MAX: variants seen among roughly 807,000 people sequenced by gnomAD.
The protein encoded by MAX is MYC associated transcriptional regulator X.
Under a neutral mutation model 22.3 loss-of-function variants are expected in MAX, and 3 were observed. That is an observed-to-expected ratio of 0.13 (90% confidence interval 0.06 to 0.35). The LOEUF (loss-of-function observed/expected upper bound fraction) is 0.35. MAX is among the 10% of genes least tolerant of loss of function. MAX has a pLI of 1.00. For missense variants in MAX, 119 were observed against 209.4 expected (o/e 0.57, Z 2.66); for synonymous variants, 72 against 77.7 (o/e 0.93, Z 0.39).
chr14:65,092,093 T>C (rs1690069119), intron 3 of MAX, among the ~76,000 whole-genome samples: 1 of 152,202 alleles, frequency 6.6e-6, no homozygotes, highest in Non-Finnish European at 1.5e-5. Context: ...TAAGGAAGAA[T>C]GTTATGGCAT....
At chr14:65,040,708 T>C (rs1263566559) in intron 3 of MAX, 2 of 1,453,076 alleles carry the variant, frequency 1.4e-6, no homozygotes, top group Admixed American at 2.1e-5. Flanking sequence ...AGTGAACTTT[T>C]TCTCTGCCAC....
intron 3 of MAX, among the ~76,000 whole-genome samples, chr14:65,043,906 C>T (rs369080954): frequency 4.0e-5 from 6 of 150,968 alleles, no homozygotes; most frequent in African/African-American, 9.8e-5. Flanking sequence ...ATAAACTCCC[C>T]GGAGCAGGGA....
At chr14:65,095,500 G>C (rs1953228) in intron 2 of MAX, among the ~76,000 whole-genome samples, 41,215 of 152,110 alleles carry the variant, frequency 0.27, 6,171 homozygotes, top group Non-Finnish European at 0.34. Context: ...ATGAAATAGT[G>C]CGACAGAATT....
rs1035214126 is a variant in MAX at position 65,088,957 on chromosome 14, G to T, written c.171+4751C>A. Reference sequence around the variant, plus strand: ...CAACATCTACCTGTTAAGAAAACCAGATTTTAATGGAAATGAAACTGAGAT... The same window carrying T: ...CAACATCTACCTGTTAAGAAAACCATATTTTAATGGAAATGAAACTGAGAT... On this transcript the variant is annotated intron_variant, in intron 3 of 4. Coordinates refer to ENST00000358664, the MANE Select transcript of MAX (RefSeq NM_002382.5). This position sits in a 1 kb window ranked among gnomAD's most constrained non-coding sequence, Gnocchi z 5.2. Among the ~76,000 whole-genome samples, 7 of 152,120 alleles carry T rather than the reference G, an allele frequency of 4.6e-5. No homozygotes were observed. Among genetic ancestry groups the T allele is most frequent in the African/African-American group, 4.8e-5 (2 of 41,434 alleles).
At position 65,044,333 on chromosome 14, in the gene MAX, T is replaced by TG; in HGVS notation, c.172-38050dup. The TG allele has an allele frequency of 6.2e-7, 1 of 1,613,614 alleles. No homozygotes were observed. Among genetic ancestry groups the TG allele is most frequent in the Non-Finnish European group, 8.5e-7 (1 of 1,179,846 alleles). ...CAGCAATGGGTGACAAGCCGGCAGA[T>TG]GCGATTTGAAGGAGGATTTCAGGGC... On this transcript the variant is annotated intron_variant, in intron 3 of 3. Coordinates refer to the MAX transcript ENST00000341653. This position sits in a 1 kb window ranked among gnomAD's most constrained non-coding sequence, Gnocchi z 5.5.
intron 3 of MAX, among the ~76,000 whole-genome samples, chr14:65,019,733 A>G (rs1309812176): frequency 6.6e-6 from 1 of 152,136 alleles, no homozygotes; most frequent in African/African-American, 2.4e-5. Flanking sequence ...CTTCCCAATA[A>G]TGTATTTTGC....
intron 3 of MAX, chr14:65,061,460 C>A: frequency 7.5e-7 from 1 of 1,337,760 alleles, no homozygotes; most frequent in Non-Finnish European, 9.9e-7. Flanking sequence ...CAAACAAAAC[C>A]AATGGCTCTG....
In MAX at chr14:65,102,515, A is replaced by C. The variant is rs2063883155; in HGVS notation, c.-176T>G. The stretch of plus-strand genomic sequence containing the variant: ...CAACACGGGCAAGAACCACCTCCTC[A>C]CTGCAGCACCGGATCAACGGCGGCA... On this transcript the variant is annotated 5_prime_UTR_variant, in exon 1 of 5. Coordinates refer to ENST00000358664, the MANE Select transcript of MAX (RefSeq NM_002382.5). 1 of 1,462,632 alleles carries C rather than the reference A, an allele frequency of 6.8e-7. No individual in the cohort carries two copies. Among genetic ancestry groups the C allele is most frequent in the Non-Finnish European group, 9.0e-7 (1 of 1,107,456 alleles). 90.6% of individuals were successfully genotyped at this position (1,462,632 alleles called of 1,614,324 possible).
chr14:65,015,528 T>C, intron 3 of MAX: 1 of 1,284,100 alleles, frequency 7.8e-7, no homozygotes, highest in South Asian at 1.4e-5. Flanking sequence ...CTCCTCCCCC[T>C]TGCCAGGCTG....
Position 65,084,055 on chromosome 14 carries a change from C to T in MAX, c.172-6019G>A. ...TGGCTCCTTGAAGGCTTCCTGCTGC[C>T]AGGGCCTCCCCAGCCACAGGACCAT... On this transcript the variant is annotated intron_variant, in intron 3 of 4. Coordinates refer to ENST00000358664, the MANE Select transcript of MAX (RefSeq NM_002382.5). The surrounding 1 kb of genome is among the most constrained non-coding windows in gnomAD (Gnocchi z 4.3). The T allele has an allele frequency of 6.3e-7, 1 of 1,594,146 alleles. No homozygotes were observed. The highest frequency in any genetic ancestry group is 8.6e-7 in the Non-Finnish European group (1 of 1,167,828).
chr14:65,055,570 A>G (rs1236073890), intron 3 of MAX, among the ~76,000 whole-genome samples: 1 of 151,842 alleles, frequency 6.6e-6, no homozygotes, highest in Non-Finnish European at 1.5e-5. Flanking sequence ...AGGCTGGAGT[A>G]CAGTGGCATG....
rs1159127100 is a variant in MAX, at chr14:65,044,625, T to C, written c.172-38341A>G. The stretch of plus-strand genomic sequence containing the variant: ...GAATGCAGAGTAAGATTTAGTTTCA[T>C]TGGTTTAGTGTCATTCTTTGCTTCT... On this transcript the variant is annotated intron_variant, in intron 3 of 3. Coordinates refer to the MAX transcript ENST00000341653. This position sits in a 1 kb window ranked among gnomAD's most constrained non-coding sequence, Gnocchi z 5.5. 1 of 900,728 alleles carries C rather than the reference T, an allele frequency of 1.1e-6. No individual in the cohort carries two copies. Among genetic ancestry groups the C allele is most frequent in the African/African-American group, 1.8e-5 (1 of 57,120 alleles). The allele number at this position is 900,728 out of a possible 1,614,324, so 55.8% of individuals were successfully genotyped here. A position where few individuals can be genotyped will look rare whatever the true frequency, so the allele number is the denominator to read the frequency against.
rs770447179 is a variant in MAX, at chr14:65,084,244, A to C, written c.172-6208T>G. 4.3e-6 allele frequency: 7 copies of C among 1,614,208 alleles called. No individual in the cohort carries two copies. Among genetic ancestry groups the C allele is most frequent in the Non-Finnish European group, 5.1e-6 (6 of 1,180,006 alleles). On this transcript the variant is annotated intron_variant, in intron 3 of 4. Transcript: ENST00000358664. This position sits in a 1 kb window ranked among gnomAD's most constrained non-coding sequence, Gnocchi z 4.3. ...TGAAATGAAGGTGTGGCATTTCTGCATCAAACTTTGACGATGAAGGACAGG... is the reference window on the plus strand; with the variant it reads ...TGAAATGAAGGTGTGGCATTTCTGCCTCAAACTTTGACGATGAAGGACAGG...
chr14:65,054,253 C>T lies in MAX; in HGVS notation c.171+39455G>A, dbSNP rs186513402. On this transcript the variant is annotated intron_variant, in intron 3 of 3. Coordinates refer to the MAX transcript ENST00000341653. The surrounding 1 kb of genome is among the most constrained non-coding windows in gnomAD (Gnocchi z 4.4). The stretch of plus-strand genomic sequence containing the variant: ...TCAGCCTCCCAAGTAACTGGAATTA[C>T]AGGCATCGGCCACCACACCTAGCTA... Among the ~76,000 whole-genome samples the T allele has an allele frequency of 6.1e-4, 93 of 152,218 alleles. No individual in the cohort carries two copies. Among genetic ancestry groups the T allele is most frequent in the African/African-American group, 2.1e-3 (86 of 41,550 alleles).
At position 65,031,953 on chromosome 14, in the gene MAX, T is replaced by C. The variant is rs2139589504; in HGVS notation, c.172-25669A>G. Among the ~76,000 whole-genome samples the C allele has an allele frequency of 1.3e-5, 2 of 151,026 alleles. No individual in the cohort carries two copies. The highest frequency in any genetic ancestry group is 4.2e-4 in the South Asian group (2 of 4,756). On this transcript the variant is annotated intron_variant, in intron 3 of 3. Transcript: ENST00000341653. The surrounding 1 kb of genome is among the most constrained non-coding windows in gnomAD (Gnocchi z 4.6). The stretch of plus-strand genomic sequence containing the variant: ...ACCAAAACAAAAGCAAAACAAAAAA[T>C]ATAGACGTGCGCCTTTTTCATTTAA...
chr14:65,048,439 A>G (rs2062536236), intron 3 of MAX, among the ~76,000 whole-genome samples: 1 of 152,222 alleles, frequency 6.6e-6, no homozygotes, highest in Non-Finnish European at 1.5e-5. Flanking sequence ...TGCTCTACAT[A>G]GTGCAGCACG....
rs565946754 is a variant in MAX, at chr14:65,007,290, C to T, written c.172-1006G>A. Among the ~76,000 whole-genome samples, 91 of 152,322 alleles carry T rather than the reference C, an allele frequency of 6.0e-4. No individual in the cohort carries two copies. Among genetic ancestry groups the T allele is most frequent in the African/African-American group, 2.0e-3 (84 of 41,586 alleles). On this transcript the variant is annotated intron_variant, in intron 3 of 3. Coordinates refer to the MAX transcript ENST00000341653. This position sits in a 1 kb window ranked among gnomAD's most constrained non-coding sequence, Gnocchi z 4.9. ...AATTTAAAAGTCTGACACTTTAATACAGGAAGTAACCTTCACTGTTAGCTG... is the reference window on the plus strand; with the variant it reads ...AATTTAAAAGTCTGACACTTTAATATAGGAAGTAACCTTCACTGTTAGCTG...
At position 65,052,602 on chromosome 14, in the gene MAX, C is replaced by A. The variant is rs141502522; in HGVS notation, c.171+41106G>T. 2.0e-4 allele frequency among the ~76,000 whole-genome samples: 30 copies of A among 152,298 alleles called. No individual in the cohort carries two copies. The East Asian group carries it at 5.4e-3, about 27-fold the overall frequency. On this transcript the variant is annotated intron_variant, in intron 3 of 3. Coordinates refer to the MAX transcript ENST00000341653. ...TGATTGGACTTCAGAGTGAAGAAGT[C>A]CAGTTGCTTGTCAGTACCTTAGTAG... is the stretch of plus-strand genomic sequence containing the variant.
chr14:65,041,054 G>A (rs1252416985), intron 3 of MAX: 1 of 1,400,674 alleles, frequency 7.1e-7, no homozygotes, highest in Non-Finnish European at 9.5e-7. Context: ...CACAGAGGAA[G>A]GAGTGAGCAG....
Sources: allele counts gnomAD v4.1 joint callset (sites outside exome capture counted in the v4.1 genomes callset), GRCh38; gene constraint gnomAD v4.1.1; non-coding constraint Gnocchi (gnomAD v3.1); transcripts MANE v1.5; gene names NCBI Gene and HGNC (gene_info 2026-07-23, HGNC 2026-07-21).